DNAI4: variants seen among roughly 807,000 people sequenced by gnomAD.
DNAI4 encodes WD repeat domain 78.
A neutral mutation model predicts 105.8 loss-of-function variants in DNAI4; 85 were observed. That is an observed-to-expected ratio of 0.80 (90% CI 0.67 to 0.96). The LOEUF (loss-of-function observed/expected upper bound fraction) is 0.96, where lower values mean the gene tolerates loss of function less well. DNAI4 is among the 40% of genes least tolerant of loss of function. The probability of loss-of-function intolerance (pLI) is 0.00; values close to 1 mark genes in which losing one functional copy is unlikely to be tolerated. For missense variants in DNAI4, 1,014 were observed against 1,005.6 expected (o/e 1.01, Z -0.11); for synonymous variants, 352 against 331.5 (o/e 1.06, Z -0.67).
At chr1:66,913,983 CAAAA>C (rs530815410) in intron 1 of DNAI4, among the ~76,000 whole-genome samples, 4 of 67,184 alleles carry the variant, frequency 6.0e-5, no homozygotes, top group Non-Finnish European at 6.0e-5. Flanking sequence ...AACTCCGTCT[CAAAA>C]AAAAAAAAAA....
chr1:66,851,182 G>C (rs1451646633), intron 7 of DNAI4, among the ~76,000 whole-genome samples: 2 of 151,656 alleles, frequency 1.3e-5, no homozygotes, highest in Non-Finnish European at 3.0e-5. Flanking sequence ...TTAACCAAAA[G>C]AAAGCAGGAG....
In DNAI4 at chr1:66,814,242, C is replaced by G. The variant is rs1645466704; in HGVS notation, c.2497-62G>C. The stretch of plus-strand genomic sequence containing the variant: ...AATGCAAATTAAAAGGTAAAGTAGT[C>G]TTTAAAATGCCATTTAAAATTTATA... On this transcript the variant is annotated intron_variant, in intron 16 of 16. Coordinates refer to ENST00000371026, the MANE Select transcript of DNAI4 (RefSeq NM_024763.5). 4 of 1,268,876 alleles carry G rather than the reference C, an allele frequency of 3.2e-6. No individual in the cohort carries two copies. The South Asian group carries it at 5.3e-5, about 17-fold the overall frequency. The allele number at this position is 1,268,876 out of a possible 1,614,324, so 78.6% of individuals were successfully genotyped here.
At chr1:66,851,563 A>C (rs1209087010) in intron 7 of DNAI4, among the ~76,000 whole-genome samples, 1 of 152,026 alleles carries the variant, frequency 6.6e-6, no homozygotes, top group African/African-American at 2.4e-5. Flanking sequence ...GTGTGTTAAA[A>C]GAAGAGAAAT....
intron 4 of DNAI4, among the ~76,000 whole-genome samples, chr1:66,881,160 G>A (rs953299079): frequency 1.3e-5 from 2 of 152,232 alleles, no homozygotes; most frequent in Non-Finnish European, 2.9e-5. Context: ...CAGGGGCAGG[G>A]CCATCATGGA....
chr1:66,904,411 T>C (rs1649080586), intron 2 of DNAI4, among the ~76,000 whole-genome samples: 1 of 152,158 alleles, frequency 6.6e-6, no homozygotes, highest in African/African-American at 2.4e-5. Flanking sequence ...AATAGGTACT[T>C]AGCAGTATTG....
rs1221457916 is a variant in DNAI4 at position 66,824,235 on chromosome 1, T to A, written c.2340-1718A>T. ...AGATAGTTGTAGATATGCGGCATTA[T>A]TTCTGAGGGCTCTGTTCTGTTCCAT... On this transcript the variant is annotated intron_variant, in intron 15 of 16. Transcript: ENST00000371026. 1.9e-3 allele frequency among the ~76,000 whole-genome samples: 269 copies of A among 143,716 alleles called. 3 individuals are homozygous for A. Among genetic ancestry groups the A allele is most frequent in the African/African-American group, 6.7e-3 (261 of 39,050 alleles). The allele number at this position is 143,716 out of a possible 152,430, so 94.3% of individuals were successfully genotyped here.
At chr1:66,833,876 A>G in intron 12 of DNAI4, 115 bp downstream of exon 12, 1 of 1,403,888 alleles carries the variant, frequency 7.1e-7, no homozygotes, top group Non-Finnish European at 9.5e-7. Flanking sequence ...AACCATGACC[A>G]ACCCAATTTT....
intron 4 of DNAI4, among the ~76,000 whole-genome samples, chr1:66,882,951 T>TA (rs1296536201): frequency 6.6e-6 from 1 of 152,068 alleles, no homozygotes; most frequent in African/African-American, 2.4e-5. Context: ...TATTTTTTTT[T>TA]ACTTCTTTCT....
chr1:66,889,226 A>G (rs1647386665), intron 4 of DNAI4, among the ~76,000 whole-genome samples: 1 of 152,206 alleles, frequency 6.6e-6, no homozygotes, highest in Non-Finnish European at 1.5e-5. Context: ...GTCATGTGAC[A>G]GTTCTGGCCA....
intron 16 of DNAI4, among the ~76,000 whole-genome samples, chr1:66,819,078 T>C (rs1291290556): frequency 6.6e-6 from 1 of 152,194 alleles, no homozygotes. Context: ...TTAATTTCTA[T>C]TACCAGTATA....
At chr1:66,893,059 G>GAAAGAA (rs780472953) in intron 3 of DNAI4, among the ~76,000 whole-genome samples, 170 bp downstream of exon 3, 11 of 56,494 alleles carry the variant, frequency 1.9e-4, no homozygotes, top group African/African-American at 8.1e-4. Context: ...AAGAAAGAGA[G>GAAAGAA]AGAGAGAAAG....
At chr1:66,881,896 T>C (rs1214110816) in intron 4 of DNAI4, among the ~76,000 whole-genome samples, 1 of 152,198 alleles carries the variant, frequency 6.6e-6, no homozygotes, top group Non-Finnish European at 1.5e-5. Flanking sequence ...TGGGAGGTGA[T>C]TGACTTATGG....
chr1:66,891,314 A>G (rs751143535), intron 3 of DNAI4, 48 bp from the exon 4 acceptor site: 4 of 1,287,194 alleles, frequency 3.1e-6, no homozygotes, highest in Non-Finnish European at 4.5e-6. Flanking sequence ...ATGTCCTTAT[A>G]GGAAACTACA....
rs997368845 is a variant in DNAI4, at chr1:66,850,895, T to C, written c.1097-3217A>G. Among the ~76,000 whole-genome samples, 3 of 151,676 alleles carry C rather than the reference T, an allele frequency of 2.0e-5. No individual in the cohort carries two copies. In the East Asian group the frequency reaches 5.8e-4, roughly 29 times the overall value. On this transcript the variant is annotated intron_variant, in intron 7 of 16. Coordinates refer to ENST00000371026, the MANE Select transcript of DNAI4 (RefSeq NM_024763.5). ...AAAGCAGAATGGTAAAAAAAATGTT[T>C]GGAAAAGCAGCAAGAAAGCAGGAAG...
intron 7 of DNAI4, among the ~76,000 whole-genome samples, chr1:66,859,142 A>G (rs913772076): frequency 2.6e-5 from 4 of 152,070 alleles, no homozygotes; most frequent in African/African-American, 7.3e-5. Flanking sequence ...ATAAGAAAAC[A>G]AACAGCCAAA....
intron 3 of DNAI4, 144 bp downstream of exon 3, chr1:66,893,083 AAG>A (rs1491564921): frequency 5.1e-6 from 2 of 392,104 alleles, no homozygotes; most frequent in South Asian, 1.2e-4. Context: ...GAAAGAAAGA[AAG>A]AAAGAAAGAA....
chr1:66,894,492 T>C (rs56798296), intron 2 of DNAI4, among the ~76,000 whole-genome samples: 19,748 of 152,164 alleles, frequency 0.13, 1,362 homozygotes, highest in Middle Eastern at 0.21. Flanking sequence ...ATATGAGTTA[T>C]TTTTAACGTA....
At chr1:66,828,550 G>A (rs1010907212) in intron 13 of DNAI4, 3 of 152,094 alleles carry the variant, frequency 2.0e-5, no homozygotes, top group East Asian at 1.9e-4. Context: ...AGCACTTTAC[G>A]TTCCTTGGCC....
chr1:66,890,817 G>A lies in DNAI4; in HGVS notation c.643+337C>T. 1 of 320,110 alleles carries A rather than the reference G, an allele frequency of 3.1e-6. No individual in the cohort carries two copies. The highest frequency in any genetic ancestry group is 2.9e-5 in the South Asian group (1 of 34,958). The allele number at this position is 320,110 out of a possible 1,614,324, so 19.8% of individuals were successfully genotyped here. ...GAAGTGAGGAAGAAGAGGAAAAGAA[G>A]AGGAAAAGAGGAAGAGGAAGAAAAG... On this transcript the variant is annotated intron_variant, in intron 4 of 16. Transcript: ENST00000371026. This position sits in a 1 kb window ranked among gnomAD's most constrained non-coding sequence, Gnocchi z 4.1.
Sources: gnomAD v4.1 joint callset for allele counts (sites outside exome capture counted in the v4.1 genomes callset) on GRCh38, gnomAD v4.1.1 for gene constraint, Gnocchi (gnomAD v3.1) non-coding constraint, MANE v1.5 for transcripts, NCBI Gene and HGNC (gene_info 2026-07-23, HGNC 2026-07-21) for gene names.